ADAM12: variants seen among roughly 807,000 people sequenced by gnomAD.
ADAM12 encodes the protein ADAM metallopeptidase domain 12.
Under a neutral mutation model 106.4 loss-of-function variants are expected in ADAM12, and 70 were observed. The observed-to-expected ratio is 0.66, with a 90% CI of 0.54 to 0.80. The LOEUF is 0.80. ADAM12 is among the 30% of genes least tolerant of loss of function. ADAM12 has a pLI of 0.00. For synonymous variants in ADAM12, 420 were observed against 433.5 expected (o/e 0.97, Z 0.39); for missense variants, 1,010 against 1,171.9 (o/e 0.86, Z 2.02).
At chr10:126,138,166 T>C (rs1277741757) in intron 4 of ADAM12, among the ~76,000 whole-genome samples, 2 of 152,220 alleles carry the variant, frequency 1.3e-5, no homozygotes, top group Admixed American at 1.3e-4. Flanking sequence ...TTGGGGATCT[T>C]TTCATGTGTT....
intron 1 of ADAM12, among the ~76,000 whole-genome samples, chr10:126,342,393 T>C (rs901979649): frequency 2.0e-5 from 3 of 152,236 alleles, no homozygotes; most frequent in African/African-American, 7.2e-5. Context: ...CAACTTAGAA[T>C]TAGCGTCCTG....
At chr10:126,330,641 T>A in intron 1 of ADAM12, 132 bp from the exon 2 acceptor site, 1 of 723,658 alleles carries the variant, frequency 1.4e-6, no homozygotes, top group Non-Finnish European at 2.2e-6. Flanking sequence ...TAGAACCCAT[T>A]AAGTCATGAA....
intron 1 of ADAM12, among the ~76,000 whole-genome samples, chr10:126,333,576 G>A (rs1854595453): frequency 1.3e-5 from 2 of 152,204 alleles, no homozygotes; most frequent in Non-Finnish European, 2.9e-5. Context: ...CCTTGACTTT[G>A]GGGAAGTTCA....
chr10:126,135,184 G>A (rs1259256786), intron 5 of ADAM12, among the ~76,000 whole-genome samples: 2 of 152,222 alleles, frequency 1.3e-5, no homozygotes, highest in African/African-American at 2.4e-5. Flanking sequence ...CTAATGAGAG[G>A]AGGCCCTTTA....
intron 2 of ADAM12, among the ~76,000 whole-genome samples, chr10:126,311,936 C>T (rs1047606836): frequency 4.6e-5 from 7 of 152,064 alleles, no homozygotes; most frequent in Non-Finnish European, 8.8e-5. Flanking sequence ...CATGGGACCC[C>T]TTCACTTGTA....
chr10:126,232,624 T>A (rs544328185), intron 3 of ADAM12, among the ~76,000 whole-genome samples: 2 of 152,340 alleles, frequency 1.3e-5, no homozygotes, highest in South Asian at 4.1e-4. Flanking sequence ...ACACCTGCAC[T>A]GTCCCCTCAT....
At chr10:126,088,476 G>A (rs1196332585) in intron 11 of ADAM12, among the ~76,000 whole-genome samples, 2 of 151,832 alleles carry the variant, frequency 1.3e-5, no homozygotes, top group Admixed American at 6.6e-5. Flanking sequence ...TGAGGCAGGC[G>A]GATCACTTGA....
intron 21 of ADAM12, among the ~76,000 whole-genome samples, chr10:126,022,138 A>G (rs1289211270): frequency 6.6e-6 from 1 of 152,198 alleles, no homozygotes; most frequent in African/African-American, 2.4e-5. Flanking sequence ...TTATCATGGA[A>G]ACATAGGAGA....
chr10:126,338,561 C>A (rs182760169), intron 1 of ADAM12, among the ~76,000 whole-genome samples: 1 of 152,304 alleles, frequency 6.6e-6, no homozygotes, highest in African/African-American at 2.4e-5. Flanking sequence ...CTGTAACTTA[C>A]ATTTTTATAA....
intron 2 of ADAM12, among the ~76,000 whole-genome samples, chr10:126,280,885 G>A (rs1003202736): frequency 2.6e-5 from 4 of 152,126 alleles, no homozygotes; most frequent in Non-Finnish European, 5.9e-5. Context: ...ACTGTCTGGT[G>A]TTTATAAGAA....
intron 4 of ADAM12, among the ~76,000 whole-genome samples, chr10:126,138,633 C>G (rs1389380601): frequency 6.6e-6 from 1 of 152,182 alleles, no homozygotes; most frequent in African/African-American, 2.4e-5. Context: ...GCCTTGGCCT[C>G]CCAAAGTGCT....
At chr10:126,112,219 G>A (rs1955882396) in intron 6 of ADAM12, among the ~76,000 whole-genome samples, 1 of 151,988 alleles carries the variant, frequency 6.6e-6, no homozygotes, top group South Asian at 2.1e-4. Flanking sequence ...ACCAGGGCCT[G>A]TTGAGGGGTG....
chr10:126,279,769 A>G (rs1335090043), intron 2 of ADAM12, among the ~76,000 whole-genome samples: 1 of 151,878 alleles, frequency 6.6e-6, no homozygotes, highest in Non-Finnish European at 1.5e-5. Flanking sequence ...GTGGAGGGAG[A>G]GTTGGGTCAT....
chr10:126,206,802 T>G (rs1228407021), intron 3 of ADAM12, among the ~76,000 whole-genome samples: 1 of 125,520 alleles, frequency 8.0e-6, no homozygotes, highest in Non-Finnish European at 1.6e-5. Context: ...TTTGGCTGTG[T>G]CCCCACCCAA....
At chr10:126,169,705 C>T (rs111264122) in intron 3 of ADAM12, among the ~76,000 whole-genome samples, 2,130 of 152,238 alleles carry the variant, frequency 0.014, 61 homozygotes, top group African/African-American at 0.048. Flanking sequence ...TTTTTTAGTT[C>T]ATAAGGTAGA....
intron 8 of ADAM12, among the ~76,000 whole-genome samples, chr10:126,104,920 C>T (rs573102800): frequency 6.6e-6 from 1 of 152,146 alleles, no homozygotes; most frequent in African/African-American, 2.4e-5. Context: ...GAGACACTTT[C>T]ATTTGTAGAG....
chr10:126,109,581 T>C (rs1374902379), intron 7 of ADAM12, among the ~76,000 whole-genome samples, 194 bp downstream of exon 7: 5 of 152,340 alleles, frequency 3.3e-5, no homozygotes, highest in South Asian at 4.1e-4. Context: ...TTGCCATTAC[T>C]TTATATATCA....
chr10:126,158,434 G>GA (rs1956863055), intron 3 of ADAM12, among the ~76,000 whole-genome samples: 1 of 88,132 alleles, frequency 1.1e-5, no homozygotes, highest in Non-Finnish European at 2.7e-5. Flanking sequence ...ACAGAGCACG[G>GA]GGAGGATGCA....
intron 9 of ADAM12, among the ~76,000 whole-genome samples, chr10:126,100,813 G>T (rs1301722184): frequency 1.3e-5 from 2 of 152,176 alleles, no homozygotes; most frequent in Admixed American, 1.3e-4. Context: ...AGAAGAAAAT[G>T]TCCGGGTTCT....
Sources: gnomAD v4.1 joint callset for allele counts (sites outside exome capture counted in the v4.1 genomes callset) on GRCh38, gnomAD v4.1.1 for gene constraint, MANE v1.5 for transcripts, NCBI Gene and HGNC (gene_info 2026-07-23, HGNC 2026-07-21) for gene names.